The following ZNF106 variants were observed in gnomAD, a reference collection of about 807,000 sequenced individuals.
ZNF106 encodes SH3-domain binding protein 3.
A neutral mutation model predicts 195.1 loss-of-function variants in ZNF106; 67 were observed. That is an observed-to-expected ratio of 0.34 (90% confidence interval 0.28 to 0.42). The LOEUF (loss-of-function observed/expected upper bound fraction) is 0.42. ZNF106 is among the 10% of genes least tolerant of loss of function. The pLI, the probability that ZNF106 is intolerant of heterozygous loss-of-function variation, is 1.00. For synonymous variants in ZNF106, 784 were observed against 818.6 expected (o/e 0.96, Z 0.72); for missense variants, 2,118 against 2,304.5 (o/e 0.92, Z 1.66).
intron 10 of ZNF106, among the ~76,000 whole-genome samples, chr15:42,440,656 T>C (rs192787976): frequency 4.3e-4 from 66 of 152,070 alleles, no homozygotes; most frequent in Middle Eastern, 3.4e-3. Flanking sequence ...ATACACCTAC[T>C]ATGTACCCAC....
rs746332091 is a variant in ZNF106 at position 42,451,880 on chromosome 15, C to T, written c.392G>A (p.Arg131Gln). ...ACTCTCTCTGTCTTGGTAAGGAATT[C>T]GGTCTTCTCGTCTCCATTGGGGTCG... ...DRRPQWRREDRIPYQDRESYS... is the reference protein window; with the variant it reads ...DRRPQWRREDQIPYQDRESYS... Residue 131 changes from arginine (R) to glutamine (Q), a missense_variant, in exon 5 of 22, where the codon CGA becomes CAA. Transcript: ENST00000564754. The T allele has an allele frequency of 5.0e-6, 8 of 1,614,024 alleles. No homozygotes were observed. The highest frequency in any genetic ancestry group is 1.6e-4 in the Middle Eastern group (1 of 6,084).
chr15:42,451,759 T>C lies in ZNF106; in HGVS notation c.513A>G (p.Pro171=). Residue 171 remains proline, a synonymous_variant, in exon 5 of 22, where the codon CCA becomes CCG. Coordinates refer to ENST00000564754, the MANE Select transcript of ZNF106 (RefSeq NM_001366845.3). ...GTCCACCACCATTCCTCAAAGAATG[T>C]GGAAAGCTGTTTTTCCTAGTATTAT... is the stretch of plus-strand genomic sequence containing the variant. ...GFNNTRKNSF[P]HSLRNGGGPR... 6.2e-7 allele frequency: 1 copy of C among 1,614,232 alleles called. No individual in the cohort carries two copies. The highest frequency in any genetic ancestry group is 2.2e-5 in the East Asian group (1 of 44,888).
At chr15:42,422,709 G>A (rs980024097) in intron 17 of ZNF106, 89 bp from the exon 18 acceptor site, 92 of 1,372,090 alleles carry the variant, frequency 6.7e-5, no homozygotes, top group Non-Finnish European at 8.4e-5. Flanking sequence ...GCATAATTCT[G>A]AGGATACTGT....
In ZNF106 at chr15:42,437,331, G is replaced by T. The variant is rs2055320929; in HGVS notation, c.4647C>A (p.Ser1549Arg). The T allele has an allele frequency of 3.1e-6, 5 of 1,613,978 alleles. No homozygotes were observed. The African/African-American group carries it at 5.3e-5, about 17-fold the overall frequency. The change falls in exon 13 of 22, where the codon AGC becomes AGA. Residue 1549 changes from serine (S) to arginine (R), a missense_variant. Coordinates refer to ENST00000564754, the MANE Select transcript of ZNF106 (RefSeq NM_001366845.3). Reference sequence around the variant, plus strand: ...TTACGGCAGCTTGGTGTCCCTCAAAGCTTCCTTCTGTGGGTTCATCATCAT... The same window carrying T: ...TTACGGCAGCTTGGTGTCCCTCAAATCTTCCTTCTGTGGGTTCATCATCAT... ...PGDDDEPTEG[S>R]FEGHQAAVNA...
In ZNF106 at chr15:42,456,966, T is replaced by A. The variant is rs1196713790; in HGVS notation, c.309A>T (p.Glu103Asp). 3 of 1,612,596 alleles carry A rather than the reference T, an allele frequency of 1.9e-6. No individual in the cohort carries two copies. The highest frequency in any genetic ancestry group is 2.5e-6 in the Non-Finnish European group (3 of 1,179,334). Residue 103 changes from glutamate to aspartate, a missense_variant, in exon 4 of 22, where the codon GAA becomes GAT. Transcript: ENST00000564754. Reference protein sequence around the residue: ...ELIQLIKQRKEQSRQDEPSNS... With the variant: ...ELIQLIKQRKDQSRQDEPSNS... ...AAAAATCAATTACTTACCGACTTTG[T>A]TCTTTCCTTTGTTTTATTAACTGAA...
At chr15:42,433,738 T>G (rs1452591724) in intron 14 of ZNF106, among the ~76,000 whole-genome samples, 4 of 152,148 alleles carry the variant, frequency 2.6e-5, no homozygotes, top group African/African-American at 9.7e-5. Flanking sequence ...TGCATTATTC[T>G]TTTAGTAATT....
intron 3 of ZNF106, among the ~76,000 whole-genome samples, chr15:42,464,830 G>A (rs1330338649): frequency 6.6e-6 from 1 of 151,992 alleles, no homozygotes; most frequent in Non-Finnish European, 1.5e-5. Flanking sequence ...TGAATCATAG[G>A]GGCAGTTTCC....
At position 42,412,960 on chromosome 15, in the gene ZNF106, G is replaced by C. The variant is rs1472684693; in HGVS notation, c.*4344C>G. The stretch of plus-strand genomic sequence containing the variant: ...ACATTTTTGCAGTCAGGTGTCATCT[G>C]ATTTCATTCTTCTAATCCATATTCA... On this transcript the variant is annotated 3_prime_UTR_variant, in exon 22 of 22. Transcript: ENST00000564754. 2 of 152,160 alleles carry C rather than the reference G, an allele frequency of 1.3e-5. No homozygotes were observed. The highest frequency in any genetic ancestry group is 4.8e-5 in the African/African-American group (2 of 41,426). The allele number at this position is 152,160 out of a possible 1,614,324, so 9.4% of individuals were successfully genotyped here.
Position 42,415,089 on chromosome 15 carries a change from G to T in ZNF106, c.*2215C>A. On this transcript the variant is annotated 3_prime_UTR_variant, in exon 22 of 22. Coordinates refer to ENST00000564754, the MANE Select transcript of ZNF106 (RefSeq NM_001366845.3). ...AGCTTGTGGGGCCATATATTATCTA[G>T]TACTAGGCCATTCATTATCTCCTAG... The T allele has an allele frequency of 5.1e-6, 1 of 194,576 alleles. No homozygotes were observed. Among genetic ancestry groups the T allele is most frequent in the Admixed American group, 5.9e-5 (1 of 16,986 alleles). The allele number at this position is 194,576 out of a possible 1,614,324, so 12.1% of individuals were successfully genotyped here.
Position 42,450,816 on chromosome 15 carries a change from A to G in ZNF106, c.1456T>C (p.Leu486=). The G allele has an allele frequency of 6.2e-7, 1 of 1,614,162 alleles. No individual in the cohort carries two copies. The highest frequency in any genetic ancestry group is 8.5e-7 in the Non-Finnish European group (1 of 1,180,034). The change falls in exon 5 of 22, where the codon TTG becomes CTG. Residue 486 remains leucine (L), a synonymous_variant. Transcript: ENST00000564754. Reference sequence around the variant, plus strand: ...TTCTTTGGATCTTGCTTTTGAGACAATGATTTAGTGGCTGGACATGGAAGG... The same window carrying G: ...TTCTTTGGATCTTGCTTTTGAGACAGTGATTTAGTGGCTGGACATGGAAGG... ...PLLPCPATKS[L]SQKQDPKNIS...
In ZNF106 at chr15:42,475,446, A is replaced by T. The variant is rs2056766274; in HGVS notation, c.-32-3125T>A. On this transcript the variant is annotated intron_variant, in intron 1 of 21. Transcript: ENST00000564754. Reference sequence around the variant, plus strand: ...GACACAGCGAGACTCTGTCTCAAAAAATAAAAATAAAAAATAAAATTCAAA... The same window carrying T: ...GACACAGCGAGACTCTGTCTCAAAATATAAAAATAAAAAATAAAATTCAAA... 1.3e-5 allele frequency among the ~76,000 whole-genome samples: 2 copies of T among 152,216 alleles called. 1 individual carries two copies. The highest frequency in any genetic ancestry group is 1.3e-4 in the Admixed American group (2 of 15,284).
At position 42,457,020 on chromosome 15, in the gene ZNF106, C is replaced by T. The variant is rs2056249498; in HGVS notation, c.255G>A (p.Glu85=). 3 of 1,609,906 alleles carry T rather than the reference C, an allele frequency of 1.9e-6. No individual in the cohort carries two copies. The highest frequency in any genetic ancestry group is 2.2e-5 in the East Asian group (1 of 44,724). ...GTTCCTTGTCAAAATAATCTTCTTCCTCTTCCTCTCCTTTTCCATCATCTT... is the reference window on the plus strand; with the variant it reads ...GTTCCTTGTCAAAATAATCTTCTTCTTCTTCCTCTCCTTTTCCATCATCTT... ...EREDDGKGEE[E]EEDYFDKELI... The change falls in exon 4 of 22, where the codon GAG becomes GAA. Residue 85 remains glutamate (E), a synonymous_variant. Coordinates refer to ENST00000564754, the MANE Select transcript of ZNF106 (RefSeq NM_001366845.3).
chr15:42,467,110 C>T (rs894683265), intron 2 of ZNF106, among the ~76,000 whole-genome samples: 24 of 151,920 alleles, frequency 1.6e-4, no homozygotes, highest in African/African-American at 3.6e-4. Flanking sequence ...TCCAGCCTGG[C>T]GACAGAACGA....
intron 18 of ZNF106, 105 bp from the exon 19 acceptor site, chr15:42,422,093 C>A: frequency 1.2e-6 from 1 of 808,326 alleles, no homozygotes; most frequent in South Asian, 2.8e-5. Context: ...CCTGAGGCGC[C>A]AAGTGGAAGC....
chr15:42,453,771 T>A (rs904981280), intron 4 of ZNF106, among the ~76,000 whole-genome samples: 1 of 152,138 alleles, frequency 6.6e-6, no homozygotes, highest in Non-Finnish European at 1.5e-5. Flanking sequence ...AATTTTTGTA[T>A]TTTTAGTAGA....
chr15:42,420,879 T>G (rs969508814), intron 20 of ZNF106, among the ~76,000 whole-genome samples, 182 bp downstream of exon 20: 1 of 152,234 alleles, frequency 6.6e-6, no homozygotes, highest in Non-Finnish European at 1.5e-5. Flanking sequence ...TTTCTAAGCA[T>G]GTATTGATTT....
intron 20 of ZNF106, among the ~76,000 whole-genome samples, chr15:42,419,737 G>T (rs938018030): frequency 6.6e-6 from 1 of 152,142 alleles, no homozygotes; most frequent in Non-Finnish European, 1.5e-5. Context: ...GGTTCACAAG[G>T]TCAGGAGTTC....
intron 21 of ZNF106, 115 bp from the exon 22 acceptor site, chr15:42,417,475 CAGTT>C: frequency 2.4e-6 from 3 of 1,238,892 alleles, no homozygotes; most frequent in Non-Finnish European, 3.4e-6. Flanking sequence ...ACAGGAAAGG[CAGTT>C]AGGAGCCAGC....
At position 42,435,432 on chromosome 15, in the gene ZNF106, G is replaced by C. The variant is rs148287349; in HGVS notation, c.4833C>G (p.Ala1611=). The C allele has an allele frequency of 4.0e-3, 6,476 of 1,614,158 alleles. 15 individuals are homozygous for C. The highest frequency in any genetic ancestry group is 5.0e-3 in the Non-Finnish European group (5,887 of 1,180,042). Reference sequence around the variant, plus strand: ...TATGGTCACTGGACCCGGTGTAAAGGGCAGCATTCTTCCCGGAGGTCTGAG... The same window carrying C: ...TATGGTCACTGGACCCGGTGTAAAGCGCAGCATTCTTCCCGGAGGTCTGAG... ...LVTQTSGKNA[A]LYTGSSDHTI... Residue 1611 remains alanine (A), a synonymous_variant, in exon 14 of 22, where the codon GCC becomes GCG. Transcript: ENST00000564754.
Sources: allele counts gnomAD v4.1 joint callset (sites outside exome capture counted in the v4.1 genomes callset), GRCh38; gene constraint gnomAD v4.1.1; transcripts MANE v1.5; gene names NCBI Gene and HGNC (gene_info 2026-07-23, HGNC 2026-07-21).